Variants in KCTD1 observed in about 807,000 individuals in gnomAD.
The protein encoded by KCTD1 is potassium channel tetramerization domain containing 1, also known as BTB/POZ domain-containing protein KCTD1.
A neutral mutation model predicts 66.0 loss-of-function variants in KCTD1; 24 were observed. The observed-to-expected ratio is 0.36, with a 90% confidence interval of 0.26 to 0.51. The LOEUF (loss-of-function observed/expected upper bound fraction) is 0.51. KCTD1 is among the 20% of genes least tolerant of loss of function. The probability of loss-of-function intolerance (pLI) is 0.95; values close to 1 mark genes in which losing one functional copy is unlikely to be tolerated. For synonymous variants in KCTD1, 511 were observed against 517.2 expected (o/e 0.99, Z 0.16); for missense variants, 943 against 1,205.2 (o/e 0.78, Z 3.22).
chr18:26,657,418 C>T, upstream of KCTD1: 1 of 985,082 alleles, frequency 1.0e-6, no homozygotes, highest in Non-Finnish European at 1.2e-6. Flanking sequence ...CCTCTCCCCC[C>T]TTTTCCGATT....
intron 1 of KCTD1, among the ~76,000 whole-genome samples, chr18:26,533,289 T>C (rs1158465286): frequency 6.6e-6 from 1 of 152,272 alleles, no homozygotes; most frequent in African/African-American, 2.4e-5. Context: ...AACAAGCTAG[T>C]ATAAACTAAA....
chr18:26,564,654 C>T (rs1985939464), intron 1 of KCTD1, among the ~76,000 whole-genome samples: 1 of 152,092 alleles, frequency 6.6e-6, no homozygotes. Flanking sequence ...TTTTGGGAGG[C>T]TGAGGTGAGT....
chr18:26,604,563 TA>T (rs1012630931), intron 1 of KCTD1, among the ~76,000 whole-genome samples: 2 of 152,282 alleles, frequency 1.3e-5, no homozygotes, highest in African/African-American at 4.8e-5. Flanking sequence ...TATGCAGCCA[TA>T]AAAAATGAGA....
intron 1 of KCTD1, among the ~76,000 whole-genome samples, chr18:26,618,543 C>G (rs1713614724): frequency 6.6e-6 from 1 of 152,146 alleles, no homozygotes; most frequent in African/African-American, 2.4e-5. Flanking sequence ...CACCCAGATC[C>G]TGTGATAAGG....
intron 2 of KCTD1, among the ~76,000 whole-genome samples, chr18:26,498,169 T>C (rs1217741303): frequency 6.6e-6 from 1 of 152,178 alleles, no homozygotes; most frequent in African/African-American, 2.4e-5. Flanking sequence ...GCCAAAGAAC[T>C]GTTCGCCATT....
intron 1 of KCTD1, among the ~76,000 whole-genome samples, chr18:26,521,990 A>G (rs1476760682): frequency 6.6e-6 from 1 of 152,234 alleles, no homozygotes; most frequent in East Asian, 1.9e-4. Context: ...GACTGGAAAA[A>G]AAAAGTAGTT....
At chr18:26,642,008 C>T (rs1426794347), upstream of KCTD1, among the ~76,000 whole-genome samples, 2 of 152,174 alleles carry the variant, frequency 1.3e-5, no homozygotes, top group African/African-American at 4.8e-5. Context: ...TTACTACATG[C>T]CGGGCACTAT....
At chr18:26,517,755 G>C (rs1983729184) in intron 1 of KCTD1, among the ~76,000 whole-genome samples, 2 of 151,142 alleles carry the variant, frequency 1.3e-5, no homozygotes, top group South Asian at 4.2e-4. Flanking sequence ...CTTCCACCAT[G>C]ACTGTGAGGC....
chr18:26,578,583 C>T (rs945429761), intron 1 of KCTD1, among the ~76,000 whole-genome samples: 1 of 152,128 alleles, frequency 6.6e-6, no homozygotes, highest in Non-Finnish European at 1.5e-5. Context: ...CTCAACTGAA[C>T]CAACCTTGGC....
At chr18:26,595,035 G>A (rs1364763214) in intron 1 of KCTD1, among the ~76,000 whole-genome samples, 1 of 151,216 alleles carries the variant, frequency 6.6e-6, no homozygotes, top group East Asian at 1.9e-4. Context: ...CCACTCTTCT[G>A]CTCTTTATCT....
chr18:26,535,114 T>A (rs55944361), intron 1 of KCTD1, among the ~76,000 whole-genome samples: 5 of 110,824 alleles, frequency 4.5e-5, no homozygotes, highest in African/African-American at 1.5e-4. Context: ...GGTTGGGGGG[T>A]GGGGGTGGAG....
intron 1 of KCTD1, among the ~76,000 whole-genome samples, chr18:26,655,002 C>A (rs1988103066): frequency 6.6e-6 from 1 of 152,208 alleles, no homozygotes; most frequent in South Asian, 2.1e-4. Context: ...AGGAGACAAA[C>A]GGATCCACTG....
chr18:26,521,786 G>C (rs892136464), intron 1 of KCTD1, among the ~76,000 whole-genome samples: 2 of 152,192 alleles, frequency 1.3e-5, no homozygotes, highest in Non-Finnish European at 2.9e-5. Context: ...CCAGTGGCAG[G>C]AAGCAGAGCA....
chr18:26,514,424 A>G (rs3898815), intron 1 of KCTD1, among the ~76,000 whole-genome samples: 118,286 of 151,764 alleles, frequency 0.78, 46,565 homozygotes, highest in African/African-American at 0.87. Flanking sequence ...TAGTGGTCTC[A>G]GCCTACAGTC....
chr18:26,647,339 C>CCG (rs1555649525), intron 1 of KCTD1, among the ~76,000 whole-genome samples: 52 of 149,498 alleles, frequency 3.5e-4, no homozygotes, highest in African/African-American at 9.1e-4. Context: ...AAACCCCCCC[C>CCG]CCATCTCTAC....
rs1335127687 is a variant in KCTD1, at chr18:26,546,976, G to T, written c.1561C>A (p.Gln521Lys). 1.4e-6 allele frequency: 2 copies of T among 1,479,474 alleles called. No individual in the cohort carries two copies. The highest frequency in any genetic ancestry group is 1.8e-6 in the Non-Finnish European group (2 of 1,110,312). 91.6% of individuals were successfully genotyped at this position (1,479,474 alleles called of 1,614,324 possible). Reference protein sequence around the residue: ...GNTYILPKDSQVGPDVKSEAA... With the variant: ...GNTYILPKDSKVGPDVKSEAA... Reference sequence around the variant, plus strand: ...TCGGATTTCACGTCGGGCCCGACCTGGCTGTCTTTGGGGAGGATGTAAGTG... The same window carrying T: ...TCGGATTTCACGTCGGGCCCGACCTTGCTGTCTTTGGGGAGGATGTAAGTG... The change falls in exon 1 of 5, where the codon CAG becomes AAG. Residue 521 changes from glutamine (Q) to lysine (K), a missense_variant. Gln to Lys is a moderately conservative substitution (Grantham distance 53). This residue lies in a region of KCTD1 where 197 missense variants were observed against 182.7 expected (regional missense o/e 1.08). Transcript: ENST00000580059.
At chr18:26,553,504 G>A (rs183086491), upstream of KCTD1, among the ~76,000 whole-genome samples, 8 of 152,238 alleles carry the variant, frequency 5.3e-5, no homozygotes, top group African/African-American at 1.7e-4. Context: ...TTATGTGTGG[G>A]GAGAAAGCTA....
intron 1 of KCTD1, among the ~76,000 whole-genome samples, chr18:26,529,171 A>G (rs1214714769): frequency 6.6e-6 from 1 of 152,064 alleles, no homozygotes; most frequent in African/African-American, 2.4e-5. Context: ...TAGCATGTCA[A>G]TATCTACTTC....
At chr18:26,506,747 T>C (rs1376799011) in intron 1 of KCTD1, among the ~76,000 whole-genome samples, 1 of 152,216 alleles carries the variant, frequency 6.6e-6, no homozygotes, top group Non-Finnish European at 1.5e-5. Flanking sequence ...GAGCTGTCCA[T>C]AGAACTTTCT....
Sources: allele counts gnomAD v4.1 joint callset (sites outside exome capture counted in the v4.1 genomes callset), GRCh38; gene constraint gnomAD v4.1.1; regional missense constraint gnomAD v4.1.1; transcripts MANE v1.5; gene names NCBI Gene and HGNC (gene_info 2026-07-23, HGNC 2026-07-21).